Variants in METTL15 observed in about 807,000 individuals in gnomAD.
METTL15 encodes 12S rRNA N(4)-cytidine methyltransferase METTL15.
A neutral mutation model predicts 38.3 loss-of-function variants in METTL15; 34 were observed. That is an observed-to-expected ratio of 0.89 (90% CI 0.68 to 1.18). METTL15 has a LOEUF of 1.18. Among genes scored for constraint, METTL15 ranks in the 50% most tolerant of loss-of-function variants. The pLI is 0.00. For synonymous variants in METTL15, 162 were observed against 170.9 expected (o/e 0.95, Z 0.41); for missense variants, 438 against 498.4 (o/e 0.88, Z 1.15).
chr11:28,186,646 G>A (rs1287898619), intron 3 of METTL15, among the ~76,000 whole-genome samples: 1 of 151,012 alleles, frequency 6.6e-6, no homozygotes, highest in African/African-American at 2.4e-5. Flanking sequence ...TGAGAAGGAA[G>A]TTTTAAAAAC....
chr11:28,178,922 T>C (rs1452587576), intron 3 of METTL15, among the ~76,000 whole-genome samples: 1 of 151,812 alleles, frequency 6.6e-6, no homozygotes, highest in African/African-American at 2.4e-5. Flanking sequence ...GAAGTACAAA[T>C]TGTTTTCAGA....
At chr11:28,267,686 C>G (rs1317362999) in intron 4 of METTL15, among the ~76,000 whole-genome samples, 3 of 152,082 alleles carry the variant, frequency 2.0e-5, no homozygotes, top group Non-Finnish European at 4.4e-5. Flanking sequence ...ATTGTCTTCT[C>G]TACGTATACC....
chr11:28,158,678 A>G (rs916288931), intron 3 of METTL15, among the ~76,000 whole-genome samples: 1 of 152,166 alleles, frequency 6.6e-6, no homozygotes, highest in Non-Finnish European at 1.5e-5. Context: ...GCCATATCCA[A>G]CGTCATGGTA....
intron 6 of METTL15, among the ~76,000 whole-genome samples, chr11:28,516,570 C>A (rs1222034693): frequency 6.6e-6 from 1 of 152,088 alleles, no homozygotes; most frequent in Admixed American, 6.6e-5. Context: ...AATTAAGTGC[C>A]TACTTTTTGC....
intron 3 of METTL15, among the ~76,000 whole-genome samples, chr11:28,187,973 C>T (rs531768419): frequency 1.1e-4 from 17 of 151,152 alleles, no homozygotes; most frequent in South Asian, 2.1e-4. Flanking sequence ...TATTTAAATA[C>T]GCAAGCATTG....
chr11:28,402,263 G>T (rs111379593), intron 5 of METTL15, among the ~76,000 whole-genome samples: 1 of 151,886 alleles, frequency 6.6e-6, no homozygotes, highest in Non-Finnish European at 1.5e-5. Context: ...ATACTCTCCA[G>T]TGCCTTTACT....
At chr11:28,401,267 A>G (rs1014781455) in intron 5 of METTL15, among the ~76,000 whole-genome samples, 2 of 151,998 alleles carry the variant, frequency 1.3e-5, no homozygotes, top group Admixed American at 1.3e-4. Flanking sequence ...TCAGCTGCCT[A>G]TGGCTACTGT....
chr11:28,283,705 A>G (rs1490035286), intron 4 of METTL15, among the ~76,000 whole-genome samples: 2 of 152,148 alleles, frequency 1.3e-5, no homozygotes, highest in Non-Finnish European at 2.9e-5. Context: ...ATGGCTGCCT[A>G]CAACCAAGGT....
intron 6 of METTL15, among the ~76,000 whole-genome samples, chr11:28,309,465 A>T (rs1240205969): frequency 1.3e-5 from 2 of 152,126 alleles, no homozygotes; most frequent in Non-Finnish European, 2.9e-5. Context: ...ATCTTTACTA[A>T]CATGGGTACC....
chr11:28,236,959 G>A (rs1006569224), intron 4 of METTL15, among the ~76,000 whole-genome samples: 1 of 152,144 alleles, frequency 6.6e-6, no homozygotes, highest in Admixed American at 6.5e-5. Context: ...TAGAGTTTCT[G>A]CTGAGAGATC....
intron 1 of METTL15, among the ~76,000 whole-genome samples, chr11:28,108,895 C>T (rs1241696807): frequency 6.6e-6 from 1 of 152,102 alleles, no homozygotes; most frequent in East Asian, 1.9e-4. Context: ...AGAGAAAATA[C>T]CTGGAACAAA....
intron 5 of METTL15, among the ~76,000 whole-genome samples, chr11:28,381,926 T>G (rs12280392): frequency 0.29 from 43,688 of 151,890 alleles, 6,980 homozygotes; most frequent in East Asian, 0.63. Context: ...CTTTTTTTTT[T>G]TGTGTGGATG....
intron 3 of METTL15, among the ~76,000 whole-genome samples, chr11:28,178,994 T>G (rs1216318844): frequency 3.3e-5 from 5 of 151,806 alleles, no homozygotes; most frequent in Non-Finnish European, 5.9e-5. Flanking sequence ...ATTTTCTTCT[T>G]GCACTTTGTT....
At chr11:28,218,607 T>C (rs942532086) in intron 4 of METTL15, among the ~76,000 whole-genome samples, 3 of 151,912 alleles carry the variant, frequency 2.0e-5, no homozygotes, top group African/African-American at 7.3e-5. Flanking sequence ...TGAATAGGAG[T>C]AGTGAGAGAG....
intron 6 of METTL15, among the ~76,000 whole-genome samples, chr11:28,482,899 A>T (rs1851407181): frequency 6.6e-6 from 1 of 152,200 alleles, no homozygotes; most frequent in Non-Finnish European, 1.5e-5. Context: ...CCATACTGCC[A>T]TCTCAGCCCC....
chr11:28,228,773 A>C (rs892323579), intron 4 of METTL15, among the ~76,000 whole-genome samples: 1 of 151,962 alleles, frequency 6.6e-6, no homozygotes, highest in Non-Finnish European at 1.5e-5. Context: ...TATGTCTAAC[A>C]TGTCATATCC....
chr11:28,208,841 G>A (rs188426174), intron 3 of METTL15, among the ~76,000 whole-genome samples: 103 of 152,052 alleles, frequency 6.8e-4, no homozygotes, highest in African/African-American at 2.3e-3. Context: ...TGTGGTGCTG[G>A]TTGGCTCATG....
intron 6 of METTL15, among the ~76,000 whole-genome samples, chr11:28,318,310 T>A (rs993308141): frequency 7.2e-5 from 11 of 152,118 alleles, no homozygotes; most frequent in African/African-American, 2.7e-4. Flanking sequence ...CTGGACCCTT[T>A]ACAGCCTAGT....
chr11:28,188,988 G>A (rs565859942), intron 3 of METTL15, among the ~76,000 whole-genome samples: 2 of 150,968 alleles, frequency 1.3e-5, no homozygotes, highest in African/African-American at 2.4e-5. Context: ...GTAAAATATC[G>A]TTTACCATAA....
Sources: allele counts gnomAD v4.1 joint callset (sites outside exome capture counted in the v4.1 genomes callset), GRCh38; gene constraint gnomAD v4.1.1; transcripts MANE v1.5; gene names NCBI Gene and HGNC (gene_info 2026-07-23, HGNC 2026-07-21).